ZMAT3: variants seen among roughly 807,000 people sequenced by gnomAD.
ZMAT3 encodes the protein zinc finger matrin-type 3.
A neutral mutation model predicts 32.3 loss-of-function variants in ZMAT3; 17 were observed. The ratio of observed to expected loss-of-function variants is 0.53; its 90% confidence interval spans 0.36 to 0.79. ZMAT3 has a LOEUF of 0.79. ZMAT3 is among the 30% of genes least tolerant of loss of function. ZMAT3 has a pLI of 0.00. For missense variants in ZMAT3, 329 were observed against 359.7 expected (o/e 0.91, Z 0.69); for synonymous variants, 120 against 133.1 (o/e 0.90, Z 0.68).
chr3:179,067,675 C>T lies in ZMAT3; in HGVS notation c.78G>A (p.Arg26=), dbSNP rs1002124556. The T allele has an allele frequency of 6.2e-7, 1 of 1,614,122 alleles. No individual in the cohort carries two copies. The highest frequency in any genetic ancestry group is 8.5e-7 in the Non-Finnish European group (1 of 1,180,028). Residue 26 remains arginine, a synonymous_variant, in exon 2 of 6, where the codon AGG becomes AGA. Coordinates refer to ENST00000311417, the MANE Select transcript of ZMAT3 (RefSeq NM_022470.4). ...GTGGAAGCTGCAAGGTTCCTGTAGA[C>T]CTGGTGGCCACTGACATAGGAGGCG... ...SPSPPMSVAT[R]STGTLQLPPQ... is the part of the protein sequence containing the mutation.
chr3:179,058,482 C>T (rs768848272), intron 2 of ZMAT3, among the ~76,000 whole-genome samples: 44 of 152,286 alleles, frequency 2.9e-4, no homozygotes, highest in Non-Finnish European at 3.7e-4. Context: ...TCGGGACGGG[C>T]GCGGTGGCTC....
At chr3:179,026,677 G>A (rs934422943) in intron 5 of ZMAT3, among the ~76,000 whole-genome samples, 1 of 152,054 alleles carries the variant, frequency 6.6e-6, no homozygotes, top group Non-Finnish European at 1.5e-5. Flanking sequence ...CGAGCCACAG[G>A]AGCCTGGCCT....
chr3:179,037,492 G>A (rs1394861649), intron 2 of ZMAT3, among the ~76,000 whole-genome samples: 1 of 152,150 alleles, frequency 6.6e-6, no homozygotes, highest in African/African-American at 2.4e-5. Flanking sequence ...GCAGGATCCA[G>A]GCCAAGGCAC....
Position 179,038,036 on chromosome 3 carries a change from A to G in ZMAT3, c.271-7037T>C, listed in dbSNP as rs146695472. 1.8e-3 allele frequency among the ~76,000 whole-genome samples: 276 copies of G among 152,304 alleles called. 1 individual carries two copies. Among genetic ancestry groups the G allele is most frequent in the Non-Finnish European group, 2.0e-3 (133 of 68,024 alleles). ...CAGGATGATATAATAGATAATGGAC[A>G]GGGAGAGAGTGGGGTGGGCCGACAA... On this transcript the variant is annotated intron_variant, in intron 2 of 5. Transcript: ENST00000311417.
At chr3:179,033,801 T>C (rs1719431774) in intron 2 of ZMAT3, among the ~76,000 whole-genome samples, 1 of 152,220 alleles carries the variant, frequency 6.6e-6, no homozygotes, top group East Asian at 1.9e-4. Context: ...TAAGAGGAAT[T>C]TGTTAATATT....
intron 2 of ZMAT3, among the ~76,000 whole-genome samples, chr3:179,045,094 G>A (rs899398389): frequency 4.0e-5 from 6 of 151,848 alleles, no homozygotes; most frequent in African/African-American, 7.3e-5. Context: ...TTACCTAGAC[G>A]AGTCGGTGAT....
chr3:179,065,054 T>C (rs1324299224), intron 2 of ZMAT3, among the ~76,000 whole-genome samples: 1 of 152,202 alleles, frequency 6.6e-6, no homozygotes, highest in Admixed American at 6.5e-5. Flanking sequence ...TCTTTAAGAG[T>C]TACCAATAAC....
chr3:179,037,222 C>T (rs941497758), intron 2 of ZMAT3, among the ~76,000 whole-genome samples: 5 of 152,100 alleles, frequency 3.3e-5, no homozygotes, highest in Admixed American at 1.3e-4. Context: ...GTGGTGGGAC[C>T]GACTGAGCTG....
At chr3:179,030,846 C>G in intron 3 of ZMAT3, 34 bp downstream of exon 3, 1 of 1,598,884 alleles carries the variant, frequency 6.3e-7, no homozygotes, top group Non-Finnish European at 8.5e-7. Flanking sequence ...AGCTTCCACC[C>G]TAATGCTGCT....
intron 3 of ZMAT3, among the ~76,000 whole-genome samples, chr3:179,030,601 G>A (rs545261018): frequency 1.6e-4 from 25 of 152,174 alleles, no homozygotes; most frequent in African/African-American, 4.3e-4. Context: ...TGATTCGCCC[G>A]TCTCGGCCTC....
chr3:179,037,287 C>A (rs1479644377), intron 2 of ZMAT3, among the ~76,000 whole-genome samples: 2 of 152,152 alleles, frequency 1.3e-5, no homozygotes, highest in African/African-American at 4.8e-5. Flanking sequence ...AAAGCTGCAA[C>A]ATTTCTTGGG....
At chr3:179,053,694 AC>A (rs1720690182) in intron 2 of ZMAT3, among the ~76,000 whole-genome samples, 1 of 152,234 alleles carries the variant, frequency 6.6e-6, no homozygotes, top group African/African-American at 2.4e-5. Context: ...TAGGAAGAAC[AC>A]AGTATCATTT....
chr3:179,068,015 T>C (rs1459407888), intron 1 of ZMAT3, among the ~76,000 whole-genome samples: 1 of 152,166 alleles, frequency 6.6e-6, no homozygotes, highest in African/African-American at 2.4e-5. Context: ...AGAATGGCTT[T>C]ATAGATTTGG....
chr3:179,044,964 G>A (rs560317722), intron 2 of ZMAT3, among the ~76,000 whole-genome samples: 1 of 151,940 alleles, frequency 6.6e-6, no homozygotes, highest in East Asian at 1.9e-4. Flanking sequence ...AACCAACATG[G>A]TACATGTATA....
chr3:179,072,207 T>C (rs1721761352), upstream of ZMAT3: 1 of 152,422 alleles, frequency 6.6e-6, no homozygotes, highest in Non-Finnish European at 1.5e-5. Context: ...TTAAGGCGGC[T>C]GAGTGGATCC....
intron 2 of ZMAT3, among the ~76,000 whole-genome samples, 200 bp downstream of exon 2, chr3:179,067,283 T>C (rs527907806): frequency 6.6e-6 from 1 of 152,294 alleles, no homozygotes; most frequent in African/African-American, 2.4e-5. Flanking sequence ...GTGTAACAGG[T>C]TGAGATCCAG....
Position 179,035,471 on chromosome 3 carries a change from G to A in ZMAT3, c.271-4472C>T, listed in dbSNP as rs573945410. On this transcript the variant is annotated intron_variant, in intron 2 of 5. Coordinates refer to ENST00000311417, the MANE Select transcript of ZMAT3 (RefSeq NM_022470.4). ...ATCTTTCAAGTCTCAACTCAAACTG[G>A]ACCTCACTCACTCTCAAGTGTCACA... 2.3e-3 allele frequency among the ~76,000 whole-genome samples: 347 copies of A among 152,090 alleles called. 1 individual carries two copies. The highest frequency in any genetic ancestry group is 8.0e-3 in the African/African-American group (334 of 41,500).
chr3:179,057,935 C>T (rs1720937239), intron 2 of ZMAT3, among the ~76,000 whole-genome samples: 2 of 152,156 alleles, frequency 1.3e-5, no homozygotes, highest in South Asian at 4.1e-4. Flanking sequence ...CTAACGAAGG[C>T]CCTAACCCAA....
chr3:179,068,045 G>A (rs1419341523), intron 1 of ZMAT3, among the ~76,000 whole-genome samples: 4 of 152,096 alleles, frequency 2.6e-5, no homozygotes, highest in Non-Finnish European at 4.4e-5. Flanking sequence ...GCTTGGCACA[G>A]TTCCAACTGC....
Sources: gnomAD v4.1 joint callset for allele counts (sites outside exome capture counted in the v4.1 genomes callset) on GRCh38, gnomAD v4.1.1 for gene constraint, MANE v1.5 for transcripts, NCBI Gene and HGNC (gene_info 2026-07-23, HGNC 2026-07-21) for gene names.